Variants in HMCN1 observed in about 807,000 individuals in gnomAD.
HMCN1 encodes the protein hemicentin 1.
A neutral mutation model predicts 625.9 loss-of-function variants in HMCN1; 321 were observed. The ratio of observed to expected loss-of-function variants is 0.51; its 90% CI spans 0.47 to 0.56. HMCN1 has a LOEUF of 0.56. HMCN1 is among the 20% of genes least tolerant of loss of function. HMCN1 has a pLI of 0.00. For missense variants in HMCN1, 6,588 were observed against 6,887.3 expected, an observed-to-expected ratio of 0.96 and a Z score of 1.54; for synonymous variants, 2,425 against 2,417.6, an observed-to-expected ratio of 1.00 and a Z score of -0.09.
At chr1:186,050,505 A>G (rs1656880237) in intron 42 of HMCN1, among the ~76,000 whole-genome samples, 1 of 152,026 alleles carries the variant, frequency 6.6e-6, no homozygotes, top group Non-Finnish European at 1.5e-5. Flanking sequence ...CCAGTAAAAA[A>G]AAATGTGCCA....
At chr1:185,742,614 C>CA (rs1376045770) in intron 1 of HMCN1, among the ~76,000 whole-genome samples, 6 of 151,920 alleles carry the variant, frequency 3.9e-5, no homozygotes, top group Non-Finnish European at 7.4e-5. Flanking sequence ...GAAAAAGAGC[C>CA]AAAAAGCTGT....
intron 57 of HMCN1, among the ~76,000 whole-genome samples, chr1:186,084,678 A>G (rs952821838): frequency 3.3e-5 from 5 of 152,062 alleles, no homozygotes; most frequent in African/African-American, 1.2e-4. Flanking sequence ...CTCTTAGCCC[A>G]TATCTTCTCA....
chr1:185,895,537 G>T (rs1023407877), intron 4 of HMCN1, among the ~76,000 whole-genome samples: 5 of 152,158 alleles, frequency 3.3e-5, no homozygotes, highest in African/African-American at 1.2e-4. Context: ...AGAGTGTGTG[G>T]CTAATTACAA....
At chr1:185,933,240 GCCTCCTTTCACAAT>G (rs372340061) in intron 10 of HMCN1, among the ~76,000 whole-genome samples, 161 of 152,050 alleles carry the variant, frequency 1.1e-3, no homozygotes, top group African/African-American at 3.8e-3. Context: ...TAAAAACTTT[GCCTCCTTTCACAAT>G]CCTCAGTCAG....
Position 186,112,895 on chromosome 1 carries a change from C to G in HMCN1, c.11073C>G (p.Thr3691=). 1 of 1,614,068 alleles carries G rather than the reference C, an allele frequency of 6.2e-7. No homozygotes were observed. The highest frequency in any genetic ancestry group is 8.5e-7 in the Non-Finnish European group (1 of 1,179,972). The part of the protein sequence containing the change: ...NADLGDTANY[T]CVASNIAGKT... ...ACCTAGGTGATACAGCCAATTATAC[C>G]TGTGTTGCCAGCAACATTGCAGGAA... is the stretch of plus-strand genomic sequence containing the variant. The change falls in exon 72 of 107, where the codon ACC becomes ACG. Residue 3691 remains threonine, a synonymous_variant. Coordinates refer to ENST00000271588, the MANE Select transcript of HMCN1 (RefSeq NM_031935.3).
In HMCN1 at chr1:185,977,086, C is replaced by T. The variant is rs1005840643; in HGVS notation, c.2372-701C>T. ...CTGATCTCTGTGGTTACCTGAATTA[C>T]GTGGATATCTGTAGCCTCTTATCTA... On this transcript the variant is annotated intron_variant, in intron 15 of 106. Coordinates refer to ENST00000271588, the MANE Select transcript of HMCN1 (RefSeq NM_031935.3). Among the ~76,000 whole-genome samples, 5 of 152,148 alleles carry T rather than the reference C, an allele frequency of 3.3e-5. No individual in the cohort carries two copies. The South Asian group carries it at 8.3e-4, about 25-fold the overall frequency.
chr1:186,015,682 T>C (rs1654318984), intron 31 of HMCN1, among the ~76,000 whole-genome samples: 2 of 152,122 alleles, frequency 1.3e-5, no homozygotes, highest in Non-Finnish European at 2.9e-5. Context: ...ATTTGGCTAT[T>C]ACTGAAAAGG....
At chr1:185,775,745 C>G (rs1346596659) in intron 1 of HMCN1, among the ~76,000 whole-genome samples, 1 of 151,252 alleles carries the variant, frequency 6.6e-6, no homozygotes, top group African/African-American at 2.5e-5. Context: ...TCACAGTCCA[C>G]TGACTAAGTA....
In HMCN1 at chr1:186,178,698, C is replaced by T. The variant is rs1652752648; in HGVS notation, c.16226C>T (p.Ser5409Phe). Reference protein sequence around the residue: ...SEYRNSRTSLSRTRRTIRKTC... With the variant: ...SEYRNSRTSLFRTRRTIRKTC... ...TATAGAAACAGCAGAACATCTCTCT[C>T]CAGGACTAGAAGGACTATTAGGAAA... Residue 5409 changes from serine (S) to phenylalanine (F), a missense_variant, in exon 104 of 107, where the codon TCC becomes TTC. Ser to Phe is a radical substitution (Grantham distance 155). Coordinates refer to ENST00000271588, the MANE Select transcript of HMCN1 (RefSeq NM_031935.3). 8 of 1,614,020 alleles carry T rather than the reference C, an allele frequency of 5.0e-6. No individual in the cohort carries two copies. Among genetic ancestry groups the T allele is most frequent in the Non-Finnish European group, 6.8e-6 (8 of 1,179,974 alleles).
At chr1:185,739,155 A>G (rs565332821) in intron 1 of HMCN1, among the ~76,000 whole-genome samples, 2 of 152,288 alleles carry the variant, frequency 1.3e-5, no homozygotes, top group African/African-American at 2.4e-5. Flanking sequence ...TGCTTAGGAT[A>G]ATGGACTCCA....
intron 11 of HMCN1, among the ~76,000 whole-genome samples, chr1:185,937,384 G>A (rs1169058091): frequency 5.3e-5 from 8 of 152,192 alleles, no homozygotes; most frequent in Non-Finnish European, 1.0e-4. Context: ...GAAAGACAAA[G>A]AGAGCAAGAG....
chr1:185,808,405 A>T (rs1659308834), intron 1 of HMCN1, among the ~76,000 whole-genome samples: 1 of 152,028 alleles, frequency 6.6e-6, no homozygotes, highest in African/African-American at 2.4e-5. Flanking sequence ...TGTAGTCCTA[A>T]CTATTCCAGA....
In HMCN1 at chr1:186,015,209, A is replaced by G; in HGVS notation, c.4681A>G (p.Ile1561Val). 2.5e-6 allele frequency: 4 copies of G among 1,613,680 alleles called. No homozygotes were observed. The highest frequency in any genetic ancestry group is 3.4e-6 in the Non-Finnish European group (4 of 1,179,672). Residue 1561 changes from isoleucine (I) to valine (V), a missense_variant, in exon 31 of 107, where the codon ATC becomes GTC. By Grantham distance (29) the Ile-to-Val change is conservative. Around this residue, in one of 3 missense-constraint regions of HMCN1, gnomAD observed 4,628 missense variants for 4,853.1 expected, o/e 0.95. Transcript: ENST00000271588. Reference sequence around the variant, plus strand: ...TGTCACCACAGACATATCAGTATTGATCAACAGCCTTATTAAACTGGAATG... The same window carrying G: ...TGTCACCACAGACATATCAGTATTGGTCAACAGCCTTATTAAACTGGAATG... ...GNVTTDISVL[I>V]NSLIKLECET...
chr1:185,900,818 A>G (rs1302335213), intron 4 of HMCN1, among the ~76,000 whole-genome samples: 1 of 151,932 alleles, frequency 6.6e-6, no homozygotes, highest in Non-Finnish European at 1.5e-5. Context: ...GAGTAGAGAT[A>G]TACAAAAGGT....
rs146871858 is a variant in HMCN1, at chr1:185,848,894, C to G, written c.339+2798C>G. Reference sequence around the variant, plus strand: ...TTGACACCATCTGAGTCCCAATTACCATATCTTTAGTCTAAACAAATGCAG... The same window carrying G: ...TTGACACCATCTGAGTCCCAATTACGATATCTTTAGTCTAAACAAATGCAG... On this transcript the variant is annotated intron_variant, in intron 2 of 106. Coordinates refer to ENST00000271588, the MANE Select transcript of HMCN1 (RefSeq NM_031935.3). Among the ~76,000 whole-genome samples, 100 of 152,240 alleles carry G rather than the reference C, an allele frequency of 6.6e-4. 1 individual carries two copies. The highest frequency in any genetic ancestry group is 2.4e-3 in the African/African-American group (100 of 41,558).
chr1:186,071,818 T>C (rs886445370), intron 52 of HMCN1, among the ~76,000 whole-genome samples: 14 of 152,204 alleles, frequency 9.2e-5, no homozygotes, highest in African/African-American at 3.4e-4. Context: ...CATAGTACAA[T>C]ATCAATTCTT....
At chr1:185,880,710 A>G (rs529488702) in intron 4 of HMCN1, among the ~76,000 whole-genome samples, 1 of 152,346 alleles carries the variant, frequency 6.6e-6, no homozygotes, top group South Asian at 2.1e-4. Flanking sequence ...TTCTAGATAC[A>G]TAATATTTGT....
At position 186,131,000 on chromosome 1, in the gene HMCN1, A is replaced by G. The variant is rs374053763; in HGVS notation, c.13230+303A>G. On this transcript the variant is annotated intron_variant, in intron 85 of 106. Transcript: ENST00000271588. ...ATTGAAGAATTACAAACACAGTTACATATAAATTATAGAGTAGATTTCATA... is the reference window on the plus strand; with the variant it reads ...ATTGAAGAATTACAAACACAGTTACGTATAAATTATAGAGTAGATTTCATA... Among the ~76,000 whole-genome samples, 14 of 152,294 alleles carry G rather than the reference A, an allele frequency of 9.2e-5. 1 individual carries two copies. In the East Asian group the frequency reaches 2.3e-3, roughly 25 times the overall value.
At chr1:185,748,384 A>G (rs553478639) in intron 1 of HMCN1, among the ~76,000 whole-genome samples, 2 of 152,278 alleles carry the variant, frequency 1.3e-5, no homozygotes, top group Admixed American at 1.3e-4. Flanking sequence ...CCCTATGTGC[A>G]GGACAATGTC....
Sources: gnomAD v4.1 joint callset for allele counts (sites outside exome capture counted in the v4.1 genomes callset) on GRCh38, gnomAD v4.1.1 for gene constraint, gnomAD v4.1.1 regional missense constraint, MANE v1.5 for transcripts, NCBI Gene and HGNC (gene_info 2026-07-23, HGNC 2026-07-21) for gene names.